The following RORA variants were observed in gnomAD, a reference collection of about 807,000 sequenced individuals.
RORA encodes RAR related orphan receptor A.
In RORA, 7 loss-of-function variants were observed where a neutral mutation model predicts 69.5. The observed-to-expected ratio is 0.10, with a 90% CI of 0.06 to 0.19. The LOEUF is 0.19. Ranked by LOEUF, RORA falls within the 10% of genes least tolerant of loss-of-function variation. The pLI is 1.00. For missense variants in RORA, 457 were observed against 663.0 expected, an observed-to-expected ratio of 0.69 and a Z score of 3.41; for synonymous variants, 261 against 240.8, an observed-to-expected ratio of 1.08 and a Z score of -0.78.
chr15:61,227,419 C>A (rs756769496), intron 1 of RORA, among the ~76,000 whole-genome samples: 1 of 152,100 alleles, frequency 6.6e-6, no homozygotes, highest in Non-Finnish European at 1.5e-5. Context: ...TTTGTCCCAG[C>A]CCTCGCCGCC....
chr15:60,835,188 A>T (rs1228593396), intron 1 of RORA, among the ~76,000 whole-genome samples: 3 of 152,220 alleles, frequency 2.0e-5, no homozygotes, highest in Non-Finnish European at 4.4e-5. Context: ...GCATCTGCAC[A>T]AAGTGGGACC....
intron 1 of RORA, among the ~76,000 whole-genome samples, chr15:60,743,459 T>C (rs1235289786): frequency 6.6e-6 from 1 of 152,248 alleles, no homozygotes; most frequent in African/African-American, 2.4e-5. Flanking sequence ...TTTTTAGGCT[T>C]AAGTGGAAAC....
chr15:60,924,863 G>A (rs1892160863), intron 1 of RORA, among the ~76,000 whole-genome samples: 1 of 152,090 alleles, frequency 6.6e-6, no homozygotes, highest in African/African-American at 2.4e-5. Context: ...AAGATCACTT[G>A]AGGTCAGGAG....
chr15:61,145,826 A>G (rs1219330601), intron 1 of RORA, among the ~76,000 whole-genome samples: 1 of 152,036 alleles, frequency 6.6e-6, no homozygotes, highest in Non-Finnish European at 1.5e-5. Context: ...CAGCACCATC[A>G]TTTTCCTTTT....
At position 60,836,102 on chromosome 15, in the gene RORA, C is replaced by T. The variant is rs529613632; in HGVS notation, c.167-157416G>A. 5.3e-5 allele frequency among the ~76,000 whole-genome samples: 8 copies of T among 152,268 alleles called. No homozygotes were observed. In the South Asian group the frequency reaches 1.7e-3, roughly 32 times the overall value. ...TTGGTCACAACAGTTTACATGCAAA[C>T]TTGGTTTGTTTTTGAAATAGATGGC... On this transcript the variant is annotated intron_variant, in intron 1 of 10. Transcript: ENST00000335670.
At chr15:60,846,596 G>T (rs1016974829) in intron 1 of RORA, among the ~76,000 whole-genome samples, 2 of 152,160 alleles carry the variant, frequency 1.3e-5, no homozygotes, top group Admixed American at 1.3e-4. Flanking sequence ...CTCACAGAAG[G>T]CACCTTTGTA....
Position 60,876,290 on chromosome 15 carries a change from T to C in RORA, c.167-197604A>G, listed in dbSNP as rs2073613173. Among the ~76,000 whole-genome samples, 6 of 135,634 alleles carry C rather than the reference T, an allele frequency of 4.4e-5. 1 individual carries two copies. In the South Asian group the frequency reaches 1.3e-3, roughly 30 times the overall value. The allele number at this position is 135,634 out of a possible 152,430, so 89.0% of individuals were successfully genotyped here. A position where few individuals can be genotyped will look rare whatever the true frequency, so the allele number is the denominator to read the frequency against. On this transcript the variant is annotated intron_variant, in intron 1 of 10. Transcript: ENST00000335670. ...GAAGTTGGCTTTCTGGGATCTGTCA[T>C]TTGTGGGCTCTTACAGGAAGTGGGG...
intron 1 of RORA, among the ~76,000 whole-genome samples, chr15:60,982,584 G>C (rs915375376): frequency 2.0e-5 from 3 of 152,154 alleles, no homozygotes; most frequent in Non-Finnish European, 2.9e-5. Flanking sequence ...GATCAAATTA[G>C]AATTTTCTGT....
intron 2 of RORA, among the ~76,000 whole-genome samples, chr15:60,626,109 G>A (rs542412019): frequency 1.3e-5 from 2 of 152,298 alleles, no homozygotes; most frequent in African/African-American, 2.4e-5. Flanking sequence ...GTTAGCTCAC[G>A]ACTATTTCCC....
intron 1 of RORA, among the ~76,000 whole-genome samples, chr15:61,034,285 G>T (rs1378225246): frequency 6.6e-6 from 1 of 152,140 alleles, no homozygotes; most frequent in African/African-American, 2.4e-5. Context: ...AAGGAAAAAA[G>T]GAGTATCTAG....
At chr15:60,639,211 GT>G (rs1463662285) in intron 2 of RORA, among the ~76,000 whole-genome samples, 1 of 102,578 alleles carries the variant, frequency 9.7e-6, no homozygotes. Context: ...CCATAAGCAG[GT>G]TTTTGTATTT....
intron 1 of RORA, among the ~76,000 whole-genome samples, chr15:61,216,295 C>G (rs900464822): frequency 6.6e-6 from 1 of 152,182 alleles, no homozygotes; most frequent in Non-Finnish European, 1.5e-5. Context: ...CTCTTTCTCA[C>G]GCTGTTCTCT....
intron 1 of RORA, among the ~76,000 whole-genome samples, chr15:61,125,428 T>C (rs1402563702): frequency 6.6e-6 from 1 of 152,206 alleles, no homozygotes; most frequent in Admixed American, 6.5e-5. Flanking sequence ...TCTATTCCAC[T>C]AACCCGACAA....
chr15:60,595,224 A>T (rs2068639859), intron 2 of RORA, among the ~76,000 whole-genome samples: 1 of 152,140 alleles, frequency 6.6e-6, no homozygotes, highest in Non-Finnish European at 1.5e-5. Context: ...AAATACAATC[A>T]TGTAAAAGCC....
rs2071637148 is a variant in RORA, at chr15:60,745,682, C to T, written c.167-66996G>A. Among the ~76,000 whole-genome samples the T allele has an allele frequency of 2.6e-5, 4 of 152,204 alleles. No homozygotes were observed. The East Asian group carries it at 5.8e-4, about 22-fold the overall frequency. ...TTGGCCTGTGTCTAAACCTCTTGAG[C>T]GATTCCAGCTGCTGAGCCATGCCTG... On this transcript the variant is annotated intron_variant, in intron 1 of 10. Coordinates refer to ENST00000335670, the MANE Select transcript of RORA (RefSeq NM_134261.3).
At chr15:60,671,704 C>T (rs188915142) in intron 2 of RORA, among the ~76,000 whole-genome samples, 3 of 151,324 alleles carry the variant, frequency 2.0e-5, no homozygotes, top group Admixed American at 6.6e-5. Flanking sequence ...CTCTGCCTCC[C>T]GGGTTCAAGT....
chr15:61,227,240 T>G (rs377022791), intron 1 of RORA, among the ~76,000 whole-genome samples: 1 of 144,112 alleles, frequency 6.9e-6, no homozygotes, highest in Non-Finnish European at 1.5e-5. Flanking sequence ...CAGAAACACA[T>G]GAAGGGGATT....
intron 8 of RORA, 149 bp from the exon 9 acceptor site, chr15:60,501,218 G>A: frequency 3.4e-6 from 2 of 594,818 alleles, no homozygotes; most frequent in Non-Finnish European, 6.0e-6. Flanking sequence ...TCTAGTGGTT[G>A]AAGATCAGAA....
chr15:61,039,528 G>A (rs893075264), intron 1 of RORA, among the ~76,000 whole-genome samples: 5 of 151,848 alleles, frequency 3.3e-5, no homozygotes, highest in African/African-American at 9.7e-5. Flanking sequence ...GGCAGATCAC[G>A]AGGTCAGGAG....
Sources: gnomAD v4.1 joint callset for allele counts (sites outside exome capture counted in the v4.1 genomes callset) on GRCh38, gnomAD v4.1.1 for gene constraint, MANE v1.5 for transcripts, NCBI Gene and HGNC (gene_info 2026-07-23, HGNC 2026-07-21) for gene names.